Variants in FGD4 observed in about 807,000 individuals in gnomAD.
FGD4 encodes the protein FYVE, RhoGEF and PH domain containing 4, also known as FYVE, RhoGEF and PH domain-containing protein 4.
A neutral mutation model predicts 102.0 loss-of-function variants in FGD4; 42 were observed. The observed-to-expected ratio is 0.41, with a 90% CI of 0.32 to 0.53. The LOEUF (loss-of-function observed/expected upper bound fraction) is 0.53. Ranked by LOEUF, FGD4 falls within the 20% of genes least tolerant of loss-of-function variation. The pLI, the probability that FGD4 is intolerant of heterozygous loss-of-function variation, is 0.21. For synonymous variants in FGD4, 380 were observed against 375.7 expected, an observed-to-expected ratio of 1.01 and a Z score of -0.13; for missense variants, 902 against 1,078.2, an observed-to-expected ratio of 0.84 and a Z score of 2.29.
At chr12:32,470,626 G>A (rs1012295590) in intron 1 of FGD4, among the ~76,000 whole-genome samples, 1 of 151,842 alleles carries the variant, frequency 6.6e-6, no homozygotes, top group Non-Finnish European at 1.5e-5. Flanking sequence ...GGTAATTTTT[G>A]TATTTTTGGT....
chr12:32,406,012 T>G (rs1591838494), intron 1 of FGD4, among the ~76,000 whole-genome samples: 1 of 152,076 alleles, frequency 6.6e-6, no homozygotes, highest in African/African-American at 2.4e-5. Context: ...GGCGCGATCT[T>G]GACTCACTGC....
chr12:32,492,785 T>G (rs1485341930), intron 1 of FGD4, among the ~76,000 whole-genome samples: 1 of 151,862 alleles, frequency 6.6e-6, no homozygotes, highest in Non-Finnish European at 1.5e-5. Context: ...TTTCTCTTAT[T>G]TTTTTTTGGT....
intron 5 of FGD4, among the ~76,000 whole-genome samples, chr12:32,599,619 C>T (rs1948230172): frequency 9.3e-6 from 1 of 107,624 alleles, no homozygotes; most frequent in African/African-American, 3.7e-5. Flanking sequence ...TTGATCTTGG[C>T]TCACTGCGAC....
chr12:32,612,481 TG>T lies in FGD4; in HGVS notation c.1749+1199del, dbSNP rs1390810683. Among the ~76,000 whole-genome samples, 6 of 152,352 alleles carry T rather than the reference TG, an allele frequency of 3.9e-5. No homozygotes were observed. The South Asian group carries it at 1.0e-3, about 26-fold the overall frequency. The stretch of plus-strand genomic sequence containing the variant: ...GCCACTGGCCACAAAGGTGTCCAGC[TG>T]ACAAAGCAACACCCCAAGGATCCTT... On this transcript the variant is annotated intron_variant, in intron 10 of 16. Transcript: ENST00000534526.
chr12:32,558,781 T>C (rs1171643002), intron 1 of FGD4, among the ~76,000 whole-genome samples: 1 of 152,178 alleles, frequency 6.6e-6, no homozygotes, highest in Non-Finnish European at 1.5e-5. Context: ...GCTATATCAG[T>C]CAACAGTGAG....
intron 1 of FGD4, among the ~76,000 whole-genome samples, chr12:32,450,384 T>A (rs560790748): frequency 2.7e-4 from 41 of 152,298 alleles, no homozygotes; most frequent in Admixed American, 9.8e-4. Context: ...CTATTTTTTT[T>A]ATCACACTTT....
At chr12:32,553,362 T>C (rs1943856992) in intron 1 of FGD4, among the ~76,000 whole-genome samples, 1 of 152,242 alleles carries the variant, frequency 6.6e-6, no homozygotes, top group Non-Finnish European at 1.5e-5. Flanking sequence ...GAAATCTTAG[T>C]GTTATCCTTT....
chr12:32,527,410 C>T (rs1412799289), intron 1 of FGD4, among the ~76,000 whole-genome samples: 4 of 149,258 alleles, frequency 2.7e-5, no homozygotes, highest in Non-Finnish European at 5.9e-5. Context: ...CATCCAGAAT[C>T]GGTTTCTTCC....
intron 1 of FGD4, among the ~76,000 whole-genome samples, chr12:32,431,268 TC>T (rs771507229): frequency 1.3e-5 from 2 of 152,180 alleles, no homozygotes; most frequent in Non-Finnish European, 2.9e-5. Flanking sequence ...TCTGTAAACT[TC>T]CGGGAAAATT....
At chr12:32,571,934 C>T (rs1945702015) in intron 2 of FGD4, among the ~76,000 whole-genome samples, 1 of 152,124 alleles carries the variant, frequency 6.6e-6, no homozygotes, top group African/African-American at 2.4e-5. Flanking sequence ...GGAGGGGTGG[C>T]TGTCACCTGT....
At chr12:32,533,386 A>T (rs7133663) in intron 1 of FGD4, among the ~76,000 whole-genome samples, 3,310 of 152,192 alleles carry the variant, frequency 0.022, 115 homozygotes, top group African/African-American at 0.075. Flanking sequence ...CTGTTAACTC[A>T]TTATGATTTT....
intron 4 of FGD4, among the ~76,000 whole-genome samples, chr12:32,596,578 G>C (rs1277242930): frequency 7.3e-6 from 1 of 137,402 alleles, no homozygotes; most frequent in Non-Finnish European, 1.6e-5. Context: ...GTATGCAATG[G>C]AAAGTTTTTT....
chr12:32,476,561 T>C (rs4931631), intron 1 of FGD4, among the ~76,000 whole-genome samples: 85,127 of 152,024 alleles, frequency 0.56, 26,271 homozygotes, highest in East Asian at 0.73. Context: ...CTTCTCACAA[T>C]GTGGCAGCTA....
chr12:32,637,281 C>A (rs893735283), intron 15 of FGD4, among the ~76,000 whole-genome samples: 4 of 151,878 alleles, frequency 2.6e-5, no homozygotes, highest in African/African-American at 9.6e-5. Flanking sequence ...AAAGACATAC[C>A]CAAGACTGGG....
intron 15 of FGD4, among the ~76,000 whole-genome samples, chr12:32,638,198 C>CA (rs1565939150): frequency 6.6e-6 from 1 of 152,070 alleles, no homozygotes; most frequent in African/African-American, 2.4e-5. Flanking sequence ...CCTGTTTCTA[C>CA]AAAAAATTTA....
At chr12:32,457,123 T>C (rs1010706560) in intron 1 of FGD4, among the ~76,000 whole-genome samples, 4 of 152,242 alleles carry the variant, frequency 2.6e-5, no homozygotes, top group Admixed American at 2.6e-4. Flanking sequence ...ATAAGGCTTC[T>C]ATCCTCAGTT....
chr12:32,570,948 T>C (rs1193789086), intron 2 of FGD4, among the ~76,000 whole-genome samples: 2 of 152,182 alleles, frequency 1.3e-5, no homozygotes, highest in East Asian at 1.9e-4. Context: ...AAATTTCACA[T>C]AGATGTTATA....
intron 1 of FGD4, among the ~76,000 whole-genome samples, chr12:32,417,801 T>C (rs1036008315): frequency 1.3e-5 from 2 of 152,028 alleles, no homozygotes; most frequent in African/African-American, 4.8e-5. Context: ...GTTATTTCAG[T>C]CTCTTTGTTA....
rs145496133 is a variant in FGD4 at position 32,582,364 on chromosome 12, C to T, written c.908C>T (p.Pro303Leu). ...ACTCCAGGCATAGGCCCAGTGCTCC[C>T]CCTAGAAGAAAGAGGGGCAGAAACA... ...YRTPGIGPVL[P>L]LEERGAETET... Residue 303 changes from proline (P) to leucine (L), a missense_variant, in exon 4 of 17, where the codon CCC (proline) becomes CTC (leucine). Around this residue, in one of 2 missense-constraint regions of FGD4, gnomAD observed 443 missense variants for 459.2 expected, o/e 0.96. Coordinates refer to ENST00000534526, the MANE Select transcript of FGD4 (RefSeq NM_001370298.3). The T allele has an allele frequency of 6.2e-7, 1 of 1,614,086 alleles. No homozygotes were observed. Among genetic ancestry groups the T allele is most frequent in the South Asian group, 1.1e-5 (1 of 91,082 alleles).
Sources: allele counts gnomAD v4.1 joint callset (sites outside exome capture counted in the v4.1 genomes callset), GRCh38; gene constraint gnomAD v4.1.1; regional missense constraint gnomAD v4.1.1; transcripts MANE v1.5; gene names NCBI Gene and HGNC (gene_info 2026-07-23, HGNC 2026-07-21).